ZNF536: variants seen among roughly 807,000 people sequenced by gnomAD.
The protein encoded by ZNF536 is zinc finger protein 536.
In ZNF536, 13 loss-of-function variants were observed where a neutral mutation model predicts 84.5. The ratio of observed to expected loss-of-function variants is 0.15; its 90% confidence interval spans 0.10 to 0.24. The LOEUF (loss-of-function observed/expected upper bound fraction) is 0.24, where lower values mean the gene tolerates loss of function less well. ZNF536 is among the 10% of genes least tolerant of loss of function. ZNF536 has a pLI of 1.00. For missense variants in ZNF536, 1,536 were observed against 1,747.5 expected (o/e 0.88, Z 2.16); for synonymous variants, 811 against 742.5 (o/e 1.09, Z -1.50).
At chr19:30,457,052 A>AAT (rs2052886195) in intron 2 of ZNF536, among the ~76,000 whole-genome samples, 1 of 150,442 alleles carries the variant, frequency 6.6e-6, no homozygotes, top group African/African-American at 2.5e-5. Context: ...AAAAAAAAAA[A>AAT]AAAACAAAAA....
At chr19:30,323,225 C>G (rs985640452) in intron 2 of ZNF536, among the ~76,000 whole-genome samples, 2 of 152,168 alleles carry the variant, frequency 1.3e-5, no homozygotes, top group Non-Finnish European at 2.9e-5. Flanking sequence ...GGCAAACTCT[C>G]GGCTCCACTC....
At chr19:30,362,704 A>AT (rs1342698235) in intron 3 of ZNF536, among the ~76,000 whole-genome samples, 2 of 151,982 alleles carry the variant, frequency 1.3e-5, no homozygotes, top group African/African-American at 2.4e-5. Context: ...CCAAATCAAG[A>AT]TTTTTTCTTT....
intron 1 of ZNF536, among the ~76,000 whole-genome samples, chr19:30,591,822 A>G (rs146601977): frequency 0.012 from 1,840 of 152,342 alleles, 21 homozygotes; most frequent in Middle Eastern, 0.02. Flanking sequence ...ACCACCCTTC[A>G]GAATTCCTTT....
chr19:30,417,205 C>T lies in ZNF536; in HGVS notation c.-2-26356C>T, dbSNP rs140786353. Among the ~76,000 whole-genome samples the T allele has an allele frequency of 9.0e-3, 1,253 of 139,408 alleles. 21 individuals are homozygous for T. The highest frequency in any genetic ancestry group is 0.033 in the African/African-American group (1,192 of 36,638). The allele number at this position is 139,408 out of a possible 152,430, so 91.5% of individuals were successfully genotyped here. A position where few individuals can be genotyped will look rare whatever the true frequency, so the allele number is the denominator to read the frequency against. On this transcript the variant is annotated intron_variant, in intron 1 of 4. Transcript: ENST00000355537. Reference sequence around the variant, plus strand: ...AGAAACAGGGTTTCACTATGTTGGCCAGGCTGGTCTTGAACTCCTGACTTC... The same window carrying T: ...AGAAACAGGGTTTCACTATGTTGGCTAGGCTGGTCTTGAACTCCTGACTTC...
chr19:30,327,556 A>G (rs1347093865), intron 2 of ZNF536, among the ~76,000 whole-genome samples: 1 of 152,216 alleles, frequency 6.6e-6, no homozygotes, highest in African/African-American at 2.4e-5. Context: ...AAGTCACATG[A>G]CATTTGCATG....
rs1204802143 is a variant in ZNF536, at chr19:30,445,016, A to C, written c.1454A>C (p.Lys485Thr). The C allele has an allele frequency of 1.2e-6, 2 of 1,611,898 alleles. No homozygotes were observed. The highest frequency in any genetic ancestry group is 2.2e-5 in the South Asian group (2 of 90,976). The change falls in exon 2 of 5, where the codon AAG (lysine) becomes ACG (threonine). Residue 485 changes from lysine (K) to threonine (T), a missense_variant. Around this residue, in one of 8 missense-constraint regions of ZNF536, gnomAD observed 366 missense variants for 364.4 expected, o/e 1.00. Transcript: ENST00000355537. This position sits in a 1 kb window ranked among gnomAD's most constrained non-coding sequence, Gnocchi z 4.5. ...SMAHGVPEGD[K>T]HSLLGCLNLV... ...GCCCACGGCGTCCCGGAGGGGGACA[A>C]GCACTCCCTCCTGGGATGCCTCAAT... is the stretch of plus-strand genomic sequence containing the variant.
In ZNF536 at chr19:30,265,888, C is replaced by CT. The variant is rs772163138; in HGVS notation, c.-189-18174dup. 4.9e-3 allele frequency among the ~76,000 whole-genome samples: 735 copies of CT among 149,582 alleles called. 3 individuals carry two copies. The highest frequency in any genetic ancestry group is 0.014 in the Middle Eastern group (4 of 290). On this transcript the variant is annotated intron_variant, in intron 1 of 5. Transcript: ENST00000585628. ...GGTCCCAGGTTTTTGTTTCTCTTTT[C>CT]TTTTTTTTTTCTTTTTTTGAGAGAC... is the stretch of plus-strand genomic sequence containing the variant.
intron 1 of ZNF536, among the ~76,000 whole-genome samples, chr19:30,616,539 G>A (rs932223048): frequency 2.0e-5 from 3 of 152,102 alleles, no homozygotes; most frequent in African/African-American, 7.2e-5. Context: ...TCTTTTTAAT[G>A]TACTACTGCT....
intron 1 of ZNF536, among the ~76,000 whole-genome samples, chr19:30,666,175 G>A (rs976411451): frequency 3.3e-5 from 5 of 152,154 alleles, no homozygotes; most frequent in Admixed American, 6.5e-5. Context: ...TGCTGATCAC[G>A]GCTCACCTGG....
At chr19:30,298,227 C>A (rs1226324036) in intron 2 of ZNF536, among the ~76,000 whole-genome samples, 2 of 152,264 alleles carry the variant, frequency 1.3e-5, no homozygotes, top group Non-Finnish European at 1.5e-5. Flanking sequence ...GTACCCTCTT[C>A]CCTTTAGAAT....
chr19:30,555,535 C>T lies in ZNF536; in HGVS notation c.3896-1622C>T, dbSNP rs1248224665. The T allele has an allele frequency of 2.6e-5, 4 of 152,212 alleles. No homozygotes were observed. In the East Asian group the frequency reaches 5.8e-4, roughly 22 times the overall value. 9.4% of individuals were successfully genotyped at this position (152,212 alleles called of 1,614,324 possible). On this transcript the variant is annotated intron_variant, in intron 4 of 4. Coordinates refer to ENST00000355537, the MANE Select transcript of ZNF536 (RefSeq NM_014717.3). ...ATGACCTCCCATCCCAATGGTTACA[C>T]TATTTCTGTGTCCACTCCATTCTCT...
At chr19:30,340,949 C>T (rs982650302) in intron 2 of ZNF536, among the ~76,000 whole-genome samples, 6 of 152,154 alleles carry the variant, frequency 3.9e-5, no homozygotes, top group East Asian at 3.9e-4. Context: ...CGGTTCCAGC[C>T]GTGTCAGGGA....
chr19:30,659,803 A>C (rs60723065), intron 1 of ZNF536, among the ~76,000 whole-genome samples: 3,093 of 148,720 alleles, frequency 0.021, 103 homozygotes, highest in African/African-American at 0.076. Context: ...CAGCCAAACC[A>C]TGTCACTATT....
intron 2 of ZNF536, among the ~76,000 whole-genome samples, chr19:30,447,379 ACCAGTAAAGAATTGTT>A (rs2052401886): frequency 6.6e-6 from 1 of 152,224 alleles, no homozygotes; most frequent in Admixed American, 6.5e-5. Context: ...CTTATTACAA[ACCAGTAAAGAATTGTT>A]AAGACACATA....
intron 2 of ZNF536, among the ~76,000 whole-genome samples, chr19:30,450,000 A>G (rs867360736): frequency 6.6e-6 from 1 of 151,786 alleles, no homozygotes; most frequent in African/African-American, 2.4e-5. Flanking sequence ...CCACACACAA[A>G]CAAATCCAGG....
intron 1 of ZNF536, among the ~76,000 whole-genome samples, chr19:30,282,148 T>G (rs1485514720): frequency 6.6e-6 from 1 of 152,204 alleles, no homozygotes; most frequent in East Asian, 1.9e-4. Flanking sequence ...ACCAGGAGCC[T>G]CCTCCTGTTT....
At chr19:30,646,851 A>C (rs535916801) in intron 1 of ZNF536, among the ~76,000 whole-genome samples, 1 of 152,246 alleles carries the variant, frequency 6.6e-6, no homozygotes, top group South Asian at 2.1e-4. Flanking sequence ...AAGGCTATTG[A>C]TGTTGTATGT....
intron 3 of ZNF536, among the ~76,000 whole-genome samples, chr19:30,362,029 TCCTAC>T (rs1326838025): frequency 1.4e-5 from 1 of 71,062 alleles, no homozygotes; most frequent in African/African-American, 4.0e-5. Flanking sequence ...CTGCTGCTGG[TCCTAC>T]TGTACTGCGG....
intron 1 of ZNF536, among the ~76,000 whole-genome samples, chr19:30,267,507 TG>T (rs1347536720): frequency 6.6e-6 from 1 of 152,162 alleles, no homozygotes; most frequent in African/African-American, 2.4e-5. Context: ...AATGTGGTCT[TG>T]GTGGCTTATT....
Sources: gnomAD v4.1 joint callset for allele counts (sites outside exome capture counted in the v4.1 genomes callset) on GRCh38, gnomAD v4.1.1 for gene constraint, gnomAD v4.1.1 regional missense constraint, Gnocchi (gnomAD v3.1) non-coding constraint, MANE v1.5 for transcripts, NCBI Gene and HGNC (gene_info 2026-07-23, HGNC 2026-07-21) for gene names.